The following FHDC1 variants were observed in gnomAD, a reference collection of about 807,000 sequenced individuals.
The protein encoded by FHDC1 is FH2 domain-containing protein 1.
FHDC1 carries 25 observed loss-of-function variants against 52.6 expected under a neutral mutation model. The observed-to-expected ratio is 0.48, with a 90% CI of 0.35 to 0.66. The LOEUF (loss-of-function observed/expected upper bound fraction) is 0.66. Ranked by LOEUF, FHDC1 falls within the 30% of genes least tolerant of loss-of-function variation. The probability of loss-of-function intolerance (pLI) is 0.01; values close to 1 mark genes in which losing one functional copy is unlikely to be tolerated. For synonymous variants in FHDC1, 616 were observed against 581.5 expected (o/e 1.06, Z -0.85); for missense variants, 1,459 against 1,452.8 (o/e 1.00, Z -0.07).
At position 152,976,551 on chromosome 4, in the gene FHDC1, G is replaced by A. The variant is rs1450049560; in HGVS notation, c.3260G>A (p.Arg1087Lys). Residue 1087 changes from arginine (R) to lysine (K), a missense_variant, in exon 12 of 12, where the codon AGG (arginine) becomes AAG (lysine). This residue lies in a region of FHDC1 where 939 missense variants were observed against 854.5 expected (regional missense o/e 1.10). Coordinates refer to ENST00000511601, the MANE Select transcript of FHDC1 (RefSeq NM_001371116.1). Reference sequence around the variant, plus strand: ...GCTCCCAAGGACAGCAGCACTTTGAGGCGAGCCAGCAGTGCCCGGGCCCCC... The same window carrying A: ...GCTCCCAAGGACAGCAGCACTTTGAAGCGAGCCAGCAGTGCCCGGGCCCCC... ...DAAPKDSSTL[R>K]RASSARAPKK... 2 of 1,612,976 alleles carry A rather than the reference G, an allele frequency of 1.2e-6. No individual in the cohort carries two copies. Among genetic ancestry groups the A allele is most frequent in the East Asian group, 2.2e-5 (1 of 44,858 alleles).
chr4:152,964,228 A>G (rs901076841), intron 8 of FHDC1, among the ~76,000 whole-genome samples: 1 of 152,182 alleles, frequency 6.6e-6, no homozygotes, highest in African/African-American at 2.4e-5. Flanking sequence ...ATAACCATAC[A>G]CACTATTATT....
At position 152,940,978 on chromosome 4, in the gene FHDC1, A is replaced by G. The variant is rs146364307; in HGVS notation, c.-130-1950A>G. Among the ~76,000 whole-genome samples, 49 of 152,356 alleles carry G rather than the reference A, an allele frequency of 3.2e-4. No individual in the cohort carries two copies. The East Asian group carries it at 9.0e-3, about 28-fold the overall frequency. On this transcript the variant is annotated intron_variant, in intron 1 of 11. Transcript: ENST00000511601. ...GCCAGTTACATCTCAAGTGAGCTGT[A>G]TGTCAGCTTGGAAAAATATTTTCTA...
intron 2 of FHDC1, among the ~76,000 whole-genome samples, chr4:152,944,053 GC>G (rs2149938003): frequency 6.6e-6 from 1 of 152,258 alleles, no homozygotes; most frequent in African/African-American, 2.4e-5. Flanking sequence ...TTTCTAGATG[GC>G]CTTCATTCCT....
At chr4:152,950,833 G>A (rs1739903712) in intron 2 of FHDC1, among the ~76,000 whole-genome samples, 1 of 152,206 alleles carries the variant, frequency 6.6e-6, no homozygotes, top group African/African-American at 2.4e-5. Flanking sequence ...TCAGTAATGT[G>A]AAAACCCACA....
chr4:152,971,830 AC>A (rs1197719612), intron 10 of FHDC1, among the ~76,000 whole-genome samples: 2 of 152,222 alleles, frequency 1.3e-5, no homozygotes, highest in South Asian at 4.2e-4. Context: ...TTGGATCAGC[AC>A]CCCGGGTTTA....
the FHDC1 span, chr4:152,927,956 C>T: frequency 6.8e-7 from 1 of 1,472,548 alleles, no homozygotes; most frequent in Admixed American, 1.7e-5. Flanking sequence ...TGTGAAAAGA[C>T]TGAAACCGGA....
At chr4:152,912,680 A>G in the FHDC1 span, among the ~76,000 whole-genome samples, 1 of 152,218 alleles carries the variant, frequency 6.6e-6, no homozygotes, top group African/African-American at 2.4e-5. Context: ...AGGCTGAACA[A>G]TCACCAACTG....
At chr4:152,958,699 C>T (rs952305561) in intron 4 of FHDC1, among the ~76,000 whole-genome samples, 4 of 152,176 alleles carry the variant, frequency 2.6e-5, no homozygotes, top group African/African-American at 9.7e-5. Context: ...TGCCCCTGCC[C>T]ATATATAGTG....
At chr4:152,931,455 AACACACACAC>A (rs56142204), upstream of FHDC1, among the ~76,000 whole-genome samples, 6,140 of 127,214 alleles carry the variant, frequency 0.048, 240 homozygotes, top group South Asian at 0.063. Flanking sequence ...CAGCCTCTAA[AACACACACAC>A]ACACACACAC....
intron 9 of FHDC1, 31 bp from the exon 10 acceptor site, chr4:152,967,949 C>T (rs1200759792): frequency 1.3e-6 from 2 of 1,552,980 alleles, no homozygotes; most frequent in Non-Finnish European, 1.8e-6. Context: ...TTCCTTGTTC[C>T]AACTGCCCAC....
chr4:152,974,654 G>C (rs374021681), intron 11 of FHDC1, 21 bp from the exon 12 acceptor site: 2 of 1,501,162 alleles, frequency 1.3e-6, no homozygotes, highest in Non-Finnish European at 1.8e-6. Flanking sequence ...ATGCATCTTC[G>C]GGCTTCTCTC....
Position 152,969,665 on chromosome 4 carries a change from G to T in FHDC1, c.1218+1568G>T, listed in dbSNP as rs1002239158. 4.5e-4 allele frequency among the ~76,000 whole-genome samples: 58 copies of T among 129,554 alleles called. No homozygotes were observed. In the East Asian group the frequency reaches 0.011, roughly 24 times the overall value. 85.0% of individuals were successfully genotyped at this position (129,554 alleles called of 152,430 possible). The stretch of plus-strand genomic sequence containing the variant: ...CCCTTTACACTTCTTTCTGGCAGTC[G>T]TTTTTTTTTTTTTTTTTTTCCCGAG... On this transcript the variant is annotated intron_variant, in intron 10 of 11. Transcript: ENST00000511601.
At chr4:152,924,591 C>T in the FHDC1 span, among the ~76,000 whole-genome samples, 1 of 152,050 alleles carries the variant, frequency 6.6e-6, no homozygotes, top group South Asian at 2.1e-4. Context: ...TTCACAACAG[C>T]AAAGACTTGG....
At position 152,974,730 on chromosome 4, in the gene FHDC1, A is replaced by C; in HGVS notation, c.1439A>C (p.Gln480Pro). ...ELRQLQRLKE[Q>P]EQKQRSWATG... Reference sequence around the variant, plus strand: ...AGGCAGCTGCAGAGGCTGAAGGAGCAGGAGCAGAAGCAGCGCTCCTGGGCA... The same window carrying C: ...AGGCAGCTGCAGAGGCTGAAGGAGCCGGAGCAGAAGCAGCGCTCCTGGGCA... Residue 480 changes from glutamine to proline, a missense_variant, in exon 12 of 12, where the codon CAG (glutamine) becomes CCG (proline). Physicochemically the swap from Gln to Pro is moderately conservative, Grantham distance 76. Around this residue, in one of 3 missense-constraint regions of FHDC1, gnomAD observed 513 missense variants for 581.5 expected, o/e 0.88. Coordinates refer to ENST00000511601, the MANE Select transcript of FHDC1 (RefSeq NM_001371116.1). The C allele has an allele frequency of 6.6e-7, 1 of 1,518,528 alleles. No individual in the cohort carries two copies. Among genetic ancestry groups the C allele is most frequent in the Non-Finnish European group, 8.8e-7 (1 of 1,132,982 alleles). The allele number at this position is 1,518,528 out of a possible 1,614,324, so 94.1% of individuals were successfully genotyped here.
At chr4:152,944,184 A>G (rs2149938091) in intron 2 of FHDC1, among the ~76,000 whole-genome samples, 1 of 152,334 alleles carries the variant, frequency 6.6e-6, no homozygotes, top group South Asian at 2.1e-4. Flanking sequence ...TAAATATGTT[A>G]CTATGAGAAA....
At chr4:152,944,563 A>G (rs1391314061) in intron 2 of FHDC1, among the ~76,000 whole-genome samples, 1 of 152,194 alleles carries the variant, frequency 6.6e-6, no homozygotes, top group Non-Finnish European at 1.5e-5. Context: ...TGAATTCTTG[A>G]GCCAACAATA....
the FHDC1 span, among the ~76,000 whole-genome samples, chr4:152,923,409 A>G: frequency 5.3e-4 from 80 of 152,334 alleles, 2 homozygotes; most frequent in Non-Finnish European, 1.5e-4. Context: ...GGAAGAATCA[A>G]TATCATGAAA....
At chr4:152,911,638 T>C in the FHDC1 span, 5 of 152,770 alleles carry the variant, frequency 3.3e-5, no homozygotes, top group South Asian at 1.0e-3. Context: ...ATTACCGTTA[T>C]ACATGAACTT....
At chr4:152,950,807 C>T (rs116596808) in intron 2 of FHDC1, among the ~76,000 whole-genome samples, 3,320 of 152,286 alleles carry the variant, frequency 0.022, 121 homozygotes, top group African/African-American at 0.074. Context: ...ACGTTTGCTA[C>T]GTCTCTATAG....
Sources: gnomAD v4.1 joint callset for allele counts (sites outside exome capture counted in the v4.1 genomes callset) on GRCh38, gnomAD v4.1.1 for gene constraint, gnomAD v4.1.1 regional missense constraint, MANE v1.5 for transcripts, NCBI Gene and HGNC (gene_info 2026-07-23, HGNC 2026-07-21) for gene names.